The following IPP variants were observed in gnomAD, a reference collection of about 807,000 sequenced individuals.
The protein encoded by IPP is intracisternal A particle-promoted polypeptide, also known as actin-binding protein IPP.
In IPP, 41 loss-of-function variants were observed where a neutral mutation model predicts 64.1. The observed-to-expected ratio is 0.64, with a 90% confidence interval of 0.50 to 0.83. The LOEUF (loss-of-function observed/expected upper bound fraction) is 0.83, where lower values mean the gene tolerates loss of function less well. Ranked by LOEUF, IPP falls within the 40% of genes least tolerant of loss-of-function variation. IPP has a pLI of 0.00. For synonymous variants in IPP, 214 were observed against 235.2 expected (o/e 0.91, Z 0.83); for missense variants, 649 against 703.0 (o/e 0.92, Z 0.87).
chr1:45,744,154 TTCTC>T (rs765771063), intron 2 of IPP, among the ~76,000 whole-genome samples: 1 of 152,178 alleles, frequency 6.6e-6, no homozygotes, highest in Non-Finnish European at 1.5e-5. Context: ...CACATAGTTT[TTCTC>T]TCTCTCTTTT....
In IPP at chr1:45,739,409, C is replaced by CT. The variant is rs531027721; in HGVS notation, c.724+1491dup. Among the ~76,000 whole-genome samples, 603 of 90,586 alleles carry CT rather than the reference C, an allele frequency of 6.7e-3. 15 individuals are homozygous for CT. Among genetic ancestry groups the CT allele is most frequent in the Non-Finnish European group, 8.3e-3 (396 of 47,608 alleles). The allele number at this position is 90,586 out of a possible 152,430, so 59.4% of individuals were successfully genotyped here. On this transcript the variant is annotated intron_variant, in intron 3 of 8. Transcript: ENST00000396478. ...CCACCGTGCTGGGCTAATTTTTTGC[C>CT]TTTTTTTTTTTTTTTTTTTTTTTTT...
At chr1:45,746,585 G>GC in intron 1 of IPP, 124 bp from the exon 2 acceptor site, 2 of 553,084 alleles carry the variant, frequency 3.6e-6, no homozygotes, top group South Asian at 4.9e-5. Flanking sequence ...AAGGACTAAA[G>GC]TGTGGTACTA....
At chr1:45,726,695 CATAA>C (rs528384121) in intron 5 of IPP, among the ~76,000 whole-genome samples, 13 of 150,174 alleles carry the variant, frequency 8.7e-5, no homozygotes, top group African/African-American at 3.2e-4. Flanking sequence ...AAAATTCTAT[CATAA>C]ATATTGATCT....
intron 8 of IPP, among the ~76,000 whole-genome samples, chr1:45,705,014 C>G (rs1195429910): frequency 6.6e-6 from 1 of 152,248 alleles, no homozygotes; most frequent in Non-Finnish European, 1.5e-5. Flanking sequence ...TGCCTCTGAG[C>G]TGCTACTCTC....
chr1:45,700,277 T>C, intron 8 of IPP, 87 bp from the exon 9 acceptor site: 1 of 1,473,472 alleles, frequency 6.8e-7, no homozygotes, highest in East Asian at 2.3e-5. Flanking sequence ...ATCCCAGTTC[T>C]TTTTACATGT....
At chr1:45,713,985 A>T (rs2148556721) in intron 8 of IPP, among the ~76,000 whole-genome samples, 1 of 152,324 alleles carries the variant, frequency 6.6e-6, no homozygotes, top group African/African-American at 2.4e-5. Context: ...TTAAAAAATA[A>T]ATAAATAGTC....
chr1:45,741,623 CT>C (rs57797396), intron 2 of IPP, among the ~76,000 whole-genome samples: 1,387 of 96,154 alleles, frequency 0.014, 7 homozygotes, highest in Non-Finnish European at 0.021. Flanking sequence ...TTCTTATTTT[CT>C]TTTTTTTTTT....
At chr1:45,735,466 CTTTTTT>C (rs756979985) in intron 3 of IPP, among the ~76,000 whole-genome samples, 14 of 57,940 alleles carry the variant, frequency 2.4e-4, no homozygotes, top group African/African-American at 4.9e-4. Flanking sequence ...TTTAATTTTG[CTTTTTT>C]TTTTTTTTTT....
At chr1:45,701,829 G>C (rs995315508) in intron 8 of IPP, among the ~76,000 whole-genome samples, 3 of 152,148 alleles carry the variant, frequency 2.0e-5, no homozygotes, top group Non-Finnish European at 4.4e-5. Flanking sequence ...TCTCATCCCA[G>C]TACCCACATA....
chr1:45,716,984 A>T lies in IPP; in HGVS notation c.1220T>A (p.Ile407Asn). 1 of 1,613,506 alleles carries T rather than the reference A, an allele frequency of 6.2e-7. No homozygotes were observed. The highest frequency in any genetic ancestry group is 8.5e-7 in the Non-Finnish European group (1 of 1,179,594). ...GWVGAEIGNT[I>N]ERFDPDENKW... ...ATTTTCATCAGGATCAAATCGTTCA[A>T]TGGTGTTCCCTATCTCAGCTCCAAC... The change falls in exon 7 of 9, where the codon ATT becomes AAT. Residue 407 changes from isoleucine (I) to asparagine (N), a missense_variant. Coordinates refer to ENST00000396478, the MANE Select transcript of IPP (RefSeq NM_005897.3).
intron 2 of IPP, among the ~76,000 whole-genome samples, chr1:45,742,682 C>T (rs1034422383): frequency 8.6e-5 from 13 of 151,984 alleles, no homozygotes; most frequent in African/African-American, 3.1e-4. Flanking sequence ...TACAGACACT[C>T]ACCACCATGA....
chr1:45,729,143 C>CAAA (rs200570703), intron 4 of IPP, among the ~76,000 whole-genome samples: 17 of 112,782 alleles, frequency 1.5e-4, no homozygotes, highest in African/African-American at 4.7e-4. Context: ...AAGACTACCT[C>CAAA]AAAAAAAAAA....
chr1:45,750,466 G>A (rs142869594), intron 1 of IPP, 131 bp downstream of exon 1: 1 of 152,946 alleles, frequency 6.5e-6, no homozygotes, highest in Non-Finnish European at 1.5e-5. Context: ...GCGGCAGAAG[G>A]AAAGACAAGG....
chr1:45,724,549 G>A (rs1570000122), intron 5 of IPP, among the ~76,000 whole-genome samples: 2 of 150,602 alleles, frequency 1.3e-5, no homozygotes, highest in South Asian at 4.2e-4. Flanking sequence ...CCTCTTCCCC[G>A]CCGCCATCCC....
downstream of IPP, among the ~76,000 whole-genome samples, chr1:45,698,226 A>G (rs1557734720): frequency 6.6e-6 from 1 of 152,142 alleles, no homozygotes; most frequent in Non-Finnish European, 1.5e-5. Context: ...CGGGAGGCGG[A>G]GGTTGCAGTG....
At chr1:45,749,646 G>A (rs1036048798) in intron 1 of IPP, among the ~76,000 whole-genome samples, 8 of 150,636 alleles carry the variant, frequency 5.3e-5, no homozygotes, top group East Asian at 2.0e-4. Context: ...TCAGCCTCCC[G>A]AGCAGCTGGG....
chr1:45,712,728 G>A (rs115572236), intron 8 of IPP, among the ~76,000 whole-genome samples: 3,827 of 151,402 alleles, frequency 0.025, 162 homozygotes, highest in African/African-American at 0.089. Flanking sequence ...GCGTAGTGGC[G>A]GGCATCTGCA....
chr1:45,735,466 C>CTTTTTTTTTTTTT (rs756979985), intron 3 of IPP, among the ~76,000 whole-genome samples: 3 of 57,946 alleles, frequency 5.2e-5, no homozygotes, highest in African/African-American at 1.4e-4. Flanking sequence ...TTTAATTTTG[C>CTTTTTTTTTTTTT]TTTTTTTTTT....
At position 45,739,148 on chromosome 1, in the gene IPP, C is replaced by T. The variant is rs1488508906; in HGVS notation, c.724+1753G>A. On this transcript the variant is annotated intron_variant, in intron 3 of 8. Coordinates refer to ENST00000396478, the MANE Select transcript of IPP (RefSeq NM_005897.3). ...CTCATTATTTTAAATTATGTATTTA[C>T]AGAATTACACCGTTAATGCTTAGTA... Among the ~76,000 whole-genome samples, 4 of 152,102 alleles carry T rather than the reference C, an allele frequency of 2.6e-5. No individual in the cohort carries two copies. The East Asian group carries it at 7.7e-4, about 29-fold the overall frequency.
Sources: allele counts gnomAD v4.1 joint callset (sites outside exome capture counted in the v4.1 genomes callset), GRCh38; gene constraint gnomAD v4.1.1; transcripts MANE v1.5; gene names NCBI Gene and HGNC (gene_info 2026-07-23, HGNC 2026-07-21).